IMMP2L: variants seen among roughly 807,000 people sequenced by gnomAD.
IMMP2L encodes mitochondrial inner membrane protease subunit 2.
In IMMP2L, 18 loss-of-function variants were observed where a neutral mutation model predicts 19.3. That is an observed-to-expected ratio of 0.93 (90% confidence interval 0.64 to 1.38). IMMP2L has a LOEUF of 1.38. IMMP2L is among the 40% of genes most tolerant of loss of function. The pLI is 0.00. For synonymous variants in IMMP2L, 76 were observed against 73.0 expected (o/e 1.04, Z -0.21); for missense variants, 233 against 218.2 (o/e 1.07, Z -0.43).
intron 3 of IMMP2L, among the ~76,000 whole-genome samples, chr7:111,130,755 C>A (rs955817613): frequency 6.6e-6 from 1 of 151,996 alleles, no homozygotes; most frequent in African/African-American, 2.4e-5. Flanking sequence ...GCTAAACACA[C>A]CCAAATGGTC....
chr7:111,377,758 T>A (rs975170486), intron 3 of IMMP2L, among the ~76,000 whole-genome samples: 8 of 152,060 alleles, frequency 5.3e-5, no homozygotes, highest in Non-Finnish European at 1.0e-4. Flanking sequence ...CCATTTGATA[T>A]ATACTCTAAA....
At chr7:111,305,445 C>T (rs55856632) in intron 3 of IMMP2L, among the ~76,000 whole-genome samples, 1 of 152,042 alleles carries the variant, frequency 6.6e-6, no homozygotes, top group South Asian at 2.1e-4. Context: ...TCTCCCGCCT[C>T]AGCCTCCTGA....
chr7:111,435,297 G>C (rs963580730), intron 3 of IMMP2L, among the ~76,000 whole-genome samples: 1 of 151,758 alleles, frequency 6.6e-6, no homozygotes, highest in Admixed American at 6.6e-5. Context: ...TCCATCAATG[G>C]AGGATTTCAT....
chr7:111,102,097 G>A (rs1798041004), intron 3 of IMMP2L, among the ~76,000 whole-genome samples: 1 of 150,706 alleles, frequency 6.6e-6, no homozygotes, highest in South Asian at 2.1e-4. Flanking sequence ...AAAAAAAAAT[G>A]AGTCAGAATA....
chr7:110,753,786 TAGA>T (rs1389929767), intron 5 of IMMP2L, among the ~76,000 whole-genome samples: 1 of 150,802 alleles, frequency 6.6e-6, no homozygotes, highest in African/African-American at 2.5e-5. Flanking sequence ...GTGTGGTTAG[TAGA>T]AGACGAAAAA....
intron 3 of IMMP2L, among the ~76,000 whole-genome samples, chr7:111,416,393 T>C (rs917123091): frequency 1.2e-4 from 18 of 151,886 alleles, no homozygotes; most frequent in Non-Finnish European, 2.5e-4. Context: ...CAGGAATTAC[T>C]GTCAAATGCC....
intron 1 of IMMP2L, among the ~76,000 whole-genome samples, chr7:111,548,799 GAATCTTTCCATCTAATTCTA>G: frequency 6.6e-6 from 1 of 152,102 alleles, no homozygotes; most frequent in Non-Finnish European, 1.5e-5. Flanking sequence ...CTCTTCCCAA[GAATCTTTCCATCTAATTCTA>G]CCTTGCCCTC....
At chr7:111,479,099 T>G (rs1371156760) in intron 3 of IMMP2L, among the ~76,000 whole-genome samples, 3 of 152,200 alleles carry the variant, frequency 2.0e-5, no homozygotes, top group African/African-American at 7.2e-5. Context: ...TCCTTCTTCC[T>G]CCTTCCTGAA....
intron 3 of IMMP2L, among the ~76,000 whole-genome samples, chr7:111,092,453 T>G (rs951250988): frequency 6.6e-6 from 1 of 152,148 alleles, no homozygotes; most frequent in Admixed American, 6.6e-5. Flanking sequence ...CTAATTTCAG[T>G]GAAAGCAGGC....
chr7:111,271,502 G>C (rs1461011719), intron 3 of IMMP2L, among the ~76,000 whole-genome samples: 1 of 152,156 alleles, frequency 6.6e-6, no homozygotes, highest in Non-Finnish European at 1.5e-5. Context: ...GTGTACATCA[G>C]AACCACAGGG....
intron 4 of IMMP2L, among the ~76,000 whole-genome samples, chr7:110,909,609 T>C (rs1439033778): frequency 6.6e-6 from 1 of 152,114 alleles, no homozygotes; most frequent in Non-Finnish European, 1.5e-5. Flanking sequence ...GTCTGCAGTC[T>C]TTTTTTGTGA....
At chr7:110,813,042 C>A (rs962331315) in intron 5 of IMMP2L, among the ~76,000 whole-genome samples, 2 of 151,968 alleles carry the variant, frequency 1.3e-5, no homozygotes, top group African/African-American at 2.4e-5. Context: ...ATTAGAGTTA[C>A]GAGGAATCAC....
intron 3 of IMMP2L, among the ~76,000 whole-genome samples, chr7:111,232,972 CT>C (rs1480100353): frequency 2.0e-5 from 3 of 152,088 alleles, no homozygotes; most frequent in African/African-American, 7.2e-5. Flanking sequence ...CCCAATGCAT[CT>C]TGCTTCGATC....
At chr7:111,475,817 G>C (rs1189330811) in intron 3 of IMMP2L, among the ~76,000 whole-genome samples, 1 of 152,168 alleles carries the variant, frequency 6.6e-6, no homozygotes, top group East Asian at 1.9e-4. Flanking sequence ...TTCAATAATT[G>C]CAACTACAGA....
intron 5 of IMMP2L, among the ~76,000 whole-genome samples, chr7:110,850,121 C>A (rs903987119): frequency 6.6e-6 from 1 of 151,764 alleles, no homozygotes; most frequent in Non-Finnish European, 1.5e-5. Context: ...AAATATAATG[C>A]ATAATCAGAA....
intron 3 of IMMP2L, among the ~76,000 whole-genome samples, chr7:111,414,706 C>T (rs1368533220): frequency 6.6e-6 from 1 of 151,654 alleles, no homozygotes; most frequent in African/African-American, 2.4e-5. Context: ...TCAGTTTTAA[C>T]AAATGTACAT....
chr7:111,034,313 ACAAT>A (rs1047441358), intron 3 of IMMP2L, among the ~76,000 whole-genome samples: 3 of 152,156 alleles, frequency 2.0e-5, no homozygotes, highest in Non-Finnish European at 2.9e-5. Flanking sequence ...AGACATGTAC[ACAAT>A]CAGTGTAATA....
At position 110,880,577 on chromosome 7, in the gene IMMP2L, CT is replaced by C. The variant is rs1410405832; in HGVS notation, c.408+6015del. Among the ~76,000 whole-genome samples the C allele has an allele frequency of 6.6e-5, 10 of 151,992 alleles. No homozygotes were observed. In the South Asian group the frequency reaches 1.9e-3, roughly 28 times the overall value. The stretch of plus-strand genomic sequence containing the variant: ...GAATCTCAATATATTCAATAGTAGA[CT>C]TTTTTTGTCTTATGGGCGCCTCATA... On this transcript the variant is annotated intron_variant, in intron 5 of 5. Coordinates refer to ENST00000405709, the MANE Select transcript of IMMP2L (RefSeq NM_032549.4).
At chr7:111,064,240 C>G (rs1268113811) in intron 3 of IMMP2L, among the ~76,000 whole-genome samples, 6 of 152,178 alleles carry the variant, frequency 3.9e-5, no homozygotes, top group African/African-American at 1.4e-4. Flanking sequence ...TATCATAAGA[C>G]CAGCTCAGGA....
Sources: allele counts gnomAD v4.1 joint callset (sites outside exome capture counted in the v4.1 genomes callset), GRCh38; gene constraint gnomAD v4.1.1; transcripts MANE v1.5; gene names NCBI Gene and HGNC (gene_info 2026-07-23, HGNC 2026-07-21).